The following KAT6B variants were observed in gnomAD, a reference collection of about 807,000 sequenced individuals.
KAT6B encodes the protein lysine acetyltransferase 6B.
A neutral mutation model predicts 187.5 loss-of-function variants in KAT6B; 10 were observed. The ratio of observed to expected loss-of-function variants is 0.05; its 90% CI spans 0.03 to 0.09. The LOEUF (loss-of-function observed/expected upper bound fraction) is 0.09, where lower values mean the gene tolerates loss of function less well. KAT6B is among the 10% of genes least tolerant of loss of function. KAT6B has a pLI of 1.00. For synonymous variants in KAT6B, 861 were observed against 926.8 expected (o/e 0.93, Z 1.29); for missense variants, 1,952 against 2,558.9 (o/e 0.76, Z 5.12).
chr10:75,007,366 G>GTA (rs1844286379), intron 13 of KAT6B, among the ~76,000 whole-genome samples: 1 of 152,136 alleles, frequency 6.6e-6, no homozygotes, highest in Non-Finnish European at 1.5e-5. Context: ...AGTGAGGACA[G>GTA]TATAGGTCAA....
At chr10:74,952,951 C>T (rs1442502158) in intron 3 of KAT6B, among the ~76,000 whole-genome samples, 1 of 150,250 alleles carries the variant, frequency 6.7e-6, no homozygotes, top group African/African-American at 2.4e-5. Flanking sequence ...CTGCCCACCT[C>T]GGCCTCCCAA....
chr10:74,975,989 A>G lies in KAT6B; in HGVS notation c.1652A>G (p.Tyr551Cys), dbSNP rs1385207915. 4 of 1,614,132 alleles carry G rather than the reference A, an allele frequency of 2.5e-6. No homozygotes were observed. The highest frequency in any genetic ancestry group is 1.1e-5 in the South Asian group (1 of 91,068). Residue 551 changes from tyrosine (Y) to cysteine (C), a missense_variant, in exon 8 of 18, where the codon TAT (tyrosine) becomes TGT (cysteine). Physicochemically the swap from Tyr to Cys is radical, Grantham distance 194. Around this residue, in one of 9 missense-constraint regions of KAT6B, gnomAD observed 417 missense variants for 508.9 expected, o/e 0.82. Transcript: ENST00000287239. The stretch of plus-strand genomic sequence containing the variant: ...CTCTTTGATGGGCTTTCTCATATCT[A>G]TACCACTCAGGGACAGTCTCGCAAA... ...KALFDGLSHI[Y>C]TTQGQSRKKG... is the part of the protein sequence containing the mutation.
intron 1 of KAT6B, among the ~76,000 whole-genome samples, chr10:74,828,691 C>T (rs1840479798): frequency 6.6e-6 from 1 of 151,504 alleles, no homozygotes; most frequent in African/African-American, 2.4e-5. Flanking sequence ...CCTCAGCCTC[C>T]GGAGTAGCTG....
At chr10:75,022,627 C>G (rs962289050) in intron 16 of KAT6B, among the ~76,000 whole-genome samples, 1 of 152,168 alleles carries the variant, frequency 6.6e-6, no homozygotes, top group African/African-American at 2.4e-5. Context: ...GAACCAAATG[C>G]GTGCTCAAGA....
chr10:75,017,535 G>A (rs770922043), intron 13 of KAT6B, among the ~76,000 whole-genome samples: 2 of 152,096 alleles, frequency 1.3e-5, no homozygotes, highest in Non-Finnish European at 2.9e-5. Flanking sequence ...AATCGCTTGA[G>A]CCTGGGAAGC....
At position 74,955,674 on chromosome 10, in the gene KAT6B, A is replaced by G. The variant is rs920213032; in HGVS notation, c.622-4296A>G. Among the ~76,000 whole-genome samples, 16 of 152,132 alleles carry G rather than the reference A, an allele frequency of 1.1e-4. 1 individual carries two copies. Among genetic ancestry groups the G allele is most frequent in the Admixed American group, 3.9e-4 (6 of 15,278 alleles). On this transcript the variant is annotated intron_variant, in intron 3 of 17. Coordinates refer to ENST00000287239, the MANE Select transcript of KAT6B (RefSeq NM_012330.4). ...AAAGACATCATAACACTTTACTCCT[A>G]TATTTCAACATATATCTGCTAAAAA...
intron 13 of KAT6B, among the ~76,000 whole-genome samples, chr10:75,006,205 C>T (rs1844193658): frequency 6.6e-6 from 1 of 152,102 alleles, no homozygotes; most frequent in Admixed American, 6.5e-5. Context: ...TGAAGAGGTT[C>T]TGACCAGACA....
chr10:74,875,076 A>G (rs985062097), intron 3 of KAT6B, among the ~76,000 whole-genome samples: 11 of 152,152 alleles, frequency 7.2e-5, no homozygotes, highest in African/African-American at 2.7e-4. Context: ...CTGGTGTTGT[A>G]TATTCTATGG....
Position 74,853,753 on chromosome 10 carries a change from G to A in KAT6B, c.621+10275G>A, listed in dbSNP as rs543675389. 2.7e-5 allele frequency among the ~76,000 whole-genome samples: 4 copies of A among 150,844 alleles called. No homozygotes were observed. The South Asian group carries it at 6.3e-4, about 24-fold the overall frequency. ...AGCAATTCTCCTGTCTTGGCCTCCC[G>A]AGTAGCTGGGATTACAGGCATGTGC... On this transcript the variant is annotated intron_variant, in intron 3 of 17. Transcript: ENST00000287239.
intron 3 of KAT6B, among the ~76,000 whole-genome samples, chr10:74,950,492 T>C (rs1441566524): frequency 6.6e-6 from 1 of 152,180 alleles, no homozygotes; most frequent in African/African-American, 2.4e-5. Context: ...TCCCTACTTT[T>C]AGAGTTAGTG....
At chr10:75,006,401 C>T (rs184740409) in intron 13 of KAT6B, among the ~76,000 whole-genome samples, 15 of 152,244 alleles carry the variant, frequency 9.9e-5, no homozygotes, top group Admixed American at 7.8e-4. Context: ...ATAAACTGTA[C>T]AGTGAAGTAA....
intron 3 of KAT6B, among the ~76,000 whole-genome samples, chr10:74,869,753 C>G (rs1843785424): frequency 6.6e-6 from 1 of 152,040 alleles, no homozygotes; most frequent in Non-Finnish European, 1.5e-5. Flanking sequence ...TAAGTTGTCC[C>G]CTCTAAATGG....
At chr10:74,922,085 G>A (rs141732690) in intron 3 of KAT6B, among the ~76,000 whole-genome samples, 1 of 152,324 alleles carries the variant, frequency 6.6e-6, no homozygotes, top group Non-Finnish European at 1.5e-5. Context: ...AGAACAGCAC[G>A]TTAGTATTAG....
Position 75,032,241 on chromosome 10 carries a change from CAAA to C in KAT6B, c.*1201_*1203del, listed in dbSNP as rs777042592. On this transcript the variant is annotated 3_prime_UTR_variant, in exon 18 of 18. Coordinates refer to ENST00000287239, the MANE Select transcript of KAT6B (RefSeq NM_012330.4). The stretch of plus-strand genomic sequence containing the variant: ...TCACTTCAAAAAAACAAAAAACAAA[CAAA>C]AAAAAGCTGTACATTTTAACATAAA... The C allele has an allele frequency of 5.2e-6, 1 of 191,178 alleles. No individual in the cohort carries two copies. Among genetic ancestry groups the C allele is most frequent in the Non-Finnish European group, 1.1e-5 (1 of 91,426 alleles). The allele number at this position is 191,178 out of a possible 1,614,324, so 11.8% of individuals were successfully genotyped here.
At chr10:74,994,518 C>T (rs906684501) in intron 13 of KAT6B, among the ~76,000 whole-genome samples, 3 of 152,084 alleles carry the variant, frequency 2.0e-5, no homozygotes, top group Admixed American at 6.6e-5. Context: ...TGAGGTGGCT[C>T]ATGCCTGTAA....
In KAT6B at chr10:74,878,302, G is replaced by A. The variant is rs372968491; in HGVS notation, c.621+34824G>A. 5.9e-5 allele frequency among the ~76,000 whole-genome samples: 9 copies of A among 152,236 alleles called. No homozygotes were observed. The East Asian group carries it at 1.2e-3, about 20-fold the overall frequency. On this transcript the variant is annotated intron_variant, in intron 3 of 17. Coordinates refer to ENST00000287239, the MANE Select transcript of KAT6B (RefSeq NM_012330.4). ...GTACTTTTTGTAGGTATAGTACAGC[G>A]TGGTCAGCCAGGGAGACTATAGTGG...
chr10:74,831,453 A>AC (rs1554912597), intron 1 of KAT6B, among the ~76,000 whole-genome samples: 1 of 152,196 alleles, frequency 6.6e-6, no homozygotes, highest in Non-Finnish European at 1.5e-5. Flanking sequence ...TTGACCTTAA[A>AC]CAATGTATAA....
At chr10:74,883,199 C>T (rs986244712) in intron 3 of KAT6B, among the ~76,000 whole-genome samples, 2 of 152,138 alleles carry the variant, frequency 1.3e-5, no homozygotes, top group African/African-American at 4.8e-5. Flanking sequence ...TACCACTTAA[C>T]GTTTTTCAGT....
chr10:75,023,380 G>A (rs1049684428), intron 16 of KAT6B: 3 of 152,208 alleles, frequency 2.0e-5, no homozygotes, highest in Non-Finnish European at 4.4e-5. Context: ...TGGTAGAAAG[G>A]AGCATCCCAC....
Sources: gnomAD v4.1 joint callset for allele counts (sites outside exome capture counted in the v4.1 genomes callset) on GRCh38, gnomAD v4.1.1 for gene constraint, gnomAD v4.1.1 regional missense constraint, MANE v1.5 for transcripts, NCBI Gene and HGNC (gene_info 2026-07-23, HGNC 2026-07-21) for gene names.